GUCA1A: variants seen among roughly 807,000 people sequenced by gnomAD.
GUCA1A encodes guanylyl cyclase-activating protein 1.
In GUCA1A, 14 loss-of-function variants were observed where a neutral mutation model predicts 18.5. The ratio of observed to expected loss-of-function variants is 0.76; its 90% CI spans 0.50 to 1.18. The LOEUF (loss-of-function observed/expected upper bound fraction) is 1.18. Ranked by LOEUF, GUCA1A falls within the 50% of genes most tolerant of loss-of-function variation. The probability of loss-of-function intolerance (pLI) is 0.00; values close to 1 mark genes in which losing one functional copy is unlikely to be tolerated. For missense variants in GUCA1A, 264 were observed against 262.4 expected (o/e 1.01, Z -0.04); for synonymous variants, 97 against 100.2 (o/e 0.97, Z 0.19).
intron 1 of GUCA1A, among the ~76,000 whole-genome samples, chr6:42,177,383 T>C (rs552880844): frequency 3.9e-5 from 6 of 152,296 alleles, no homozygotes; most frequent in South Asian, 2.1e-4. Flanking sequence ...AGTATTGCTA[T>C]ATATTTTCAT....
At position 42,179,502 on chromosome 6, in the gene GUCA1A, C is replaced by A; in HGVS notation, c.*99C>A. On this transcript the variant is annotated 3_prime_UTR_variant, in exon 4 of 4. Transcript: ENST00000372958. Reference sequence around the variant, plus strand: ...AACCCTAGATAGAATCTAATGAACTCAGAGGCTTAGCTCGCCTCTTTAGGG... The same window carrying A: ...AACCCTAGATAGAATCTAATGAACTAAGAGGCTTAGCTCGCCTCTTTAGGG... 9.4e-7 allele frequency: 1 copy of A among 1,064,874 alleles called. No homozygotes were observed. Among genetic ancestry groups the A allele is most frequent in the South Asian group, 1.7e-5 (1 of 59,604 alleles). 66.0% of individuals were successfully genotyped at this position (1,064,874 alleles called of 1,614,324 possible).
Position 42,179,565 on chromosome 6 carries a change from G to A in GUCA1A, c.*162G>A, listed in dbSNP as rs971232316. 2 of 614,198 alleles carry A rather than the reference G, an allele frequency of 3.3e-6. No homozygotes were observed. The highest frequency in any genetic ancestry group is 5.6e-6 in the Non-Finnish European group (2 of 357,792). The allele number at this position is 614,198 out of a possible 1,614,324, so 38.0% of individuals were successfully genotyped here. ...GCAGAGAGGCAGAAGTGGGAGTCCAGAGCCAGGAACAGTGAAGGATGGTTC... is the reference window on the plus strand; with the variant it reads ...GCAGAGAGGCAGAAGTGGGAGTCCAAAGCCAGGAACAGTGAAGGATGGTTC... On this transcript the variant is annotated 3_prime_UTR_variant, in exon 4 of 4. Coordinates refer to ENST00000372958, the MANE Select transcript of GUCA1A (RefSeq NM_001384910.1).
chr6:42,178,919 C>T (rs1768037069), intron 3 of GUCA1A, 24 bp downstream of exon 3: 1 of 1,545,356 alleles, frequency 6.5e-7, no homozygotes, highest in Admixed American at 1.7e-5. Flanking sequence ...GGAGGGGCTC[C>T]CCAGCGGAGG....
At chr6:42,177,178 T>C (rs920637886) in intron 1 of GUCA1A, among the ~76,000 whole-genome samples, 2 of 152,116 alleles carry the variant, frequency 1.3e-5, no homozygotes, top group Non-Finnish European at 2.9e-5. Flanking sequence ...CCATCTGCAT[T>C]TGAGTACTGA....
chr6:42,173,621 A>T lies in GUCA1A; in HGVS notation c.8A>T (p.Asn3Ile), dbSNP rs1767867305. 1 of 1,613,714 alleles carries T rather than the reference A, an allele frequency of 6.2e-7. No homozygotes were observed. Among genetic ancestry groups the T allele is most frequent in the Admixed American group, 1.7e-5 (1 of 60,012 alleles). Residue 3 changes from asparagine (N) to isoleucine (I), a missense_variant, in exon 1 of 4, where the codon AAC (asparagine) becomes ATC (isoleucine). Transcript: ENST00000372958. Reference protein sequence around the residue: MGNVMEGKSVEEL... With the variant: MGIVMEGKSVEEL... ...CCCCTGAAGGCCTGAGCAATGGGCA[A>T]CGTGATGGAGGGAAAGTCAGTGGAG...
rs1425945041 is a variant in GUCA1A at position 42,178,906 on chromosome 6, C to T, written c.445+11C>T. 3 of 1,592,360 alleles carry T rather than the reference C, an allele frequency of 1.9e-6. No homozygotes were observed. Among genetic ancestry groups the T allele is most frequent in the African/African-American group, 2.7e-5 (2 of 74,468 alleles). On this transcript the variant is annotated intron_variant, in intron 3 of 3. Transcript: ENST00000372958. ...ACGTCAACGGGGATGGTGAGGGGGC[C>T]GAGGAGGGGCTCCCCAGCGGAGGGG...
intron 1 of GUCA1A, among the ~76,000 whole-genome samples, chr6:42,176,544 C>T (rs1283258020): frequency 6.6e-6 from 1 of 152,194 alleles, no homozygotes; most frequent in African/African-American, 2.4e-5. Context: ...AGTGATTCTT[C>T]TGCCTCAGCC....
chr6:42,174,464 A>AAGTG (rs1767897316), intron 1 of GUCA1A, among the ~76,000 whole-genome samples: 1 of 152,106 alleles, frequency 6.6e-6, no homozygotes, highest in African/African-American at 2.4e-5. Flanking sequence ...ACCTTTTCTC[A>AAGTG]AGTGAGCCTG....
intron 2 of GUCA1A, 92 bp downstream of exon 2, chr6:42,178,521 G>T: frequency 8.1e-7 from 1 of 1,239,594 alleles, no homozygotes. Context: ...TCAGGATTGA[G>T]ACAGGATGTG....
Position 42,178,906 on chromosome 6 carries a change from CGAG to C in GUCA1A, c.445+16_445+18del. ...ACGTCAACGGGGATGGTGAGGGGGC[CGAG>C]GAGGGGCTCCCCAGCGGAGGGGTCA... On this transcript the variant is annotated intron_variant, in intron 3 of 3. Coordinates refer to ENST00000372958, the MANE Select transcript of GUCA1A (RefSeq NM_001384910.1). 6.3e-7 allele frequency: 1 copy of C among 1,592,478 alleles called. No individual in the cohort carries two copies. The highest frequency in any genetic ancestry group is 8.6e-7 in the Non-Finnish European group (1 of 1,160,290).
intron 1 of GUCA1A, among the ~76,000 whole-genome samples, chr6:42,176,474 C>T (rs1046914931): frequency 6.6e-6 from 1 of 152,148 alleles, no homozygotes; most frequent in African/African-American, 2.4e-5. Flanking sequence ...GCTCTTGTCA[C>T]CCAGGCTGGA....
Position 42,173,540 on chromosome 6 carries a change from C to A in GUCA1A, c.-74C>A. The A allele has an allele frequency of 7.8e-7, 1 of 1,286,868 alleles. No individual in the cohort carries two copies. 79.7% of individuals were successfully genotyped at this position (1,286,868 alleles called of 1,614,324 possible). A position where few individuals can be genotyped will look rare whatever the true frequency, so the allele number is the denominator to read the frequency against. On this transcript the variant is annotated 5_prime_UTR_variant, in exon 1 of 4. Transcript: ENST00000372958. ...GAGAGAGGACGGCCCCGTTGTCGGC[C>A]AAGACACCTTTGGGCGAGGAGCAGC...
rs763207295 is a variant in GUCA1A at position 42,178,442 on chromosome 6, C to A, written c.351+13C>A. 1.2e-6 allele frequency: 2 copies of A among 1,611,824 alleles called. No homozygotes were observed. The highest frequency in any genetic ancestry group is 2.2e-5 in the East Asian group (1 of 44,858). ...CACCATCATCCAGGTGCAGAGGGCCCGGCCAGGGCTGGGGGCAGCGGTCTG... is the reference window on the plus strand; with the variant it reads ...CACCATCATCCAGGTGCAGAGGGCCAGGCCAGGGCTGGGGGCAGCGGTCTG... On this transcript the variant is annotated intron_variant, in intron 2 of 3. Transcript: ENST00000372958.
chr6:42,179,021 C>A, intron 3 of GUCA1A, 126 bp downstream of exon 3: 2 of 897,698 alleles, frequency 2.2e-6, no homozygotes, highest in Non-Finnish European at 1.8e-6. Flanking sequence ...CCGTGCTGGT[C>A]ACTTCCTCCA....
At chr6:42,176,969 T>C (rs935407388) in intron 1 of GUCA1A, among the ~76,000 whole-genome samples, 1 of 152,198 alleles carries the variant, frequency 6.6e-6, no homozygotes, top group Admixed American at 6.5e-5. Flanking sequence ...AAAAAGTTTT[T>C]AGTGCAAGTG....
At chr6:42,174,559 G>A (rs1379427879) in intron 1 of GUCA1A, among the ~76,000 whole-genome samples, 3 of 152,152 alleles carry the variant, frequency 2.0e-5, no homozygotes, top group Non-Finnish European at 4.4e-5. Flanking sequence ...TAAGCTAGAG[G>A]GGTCACTGAA....
intron 2 of GUCA1A, 71 bp from the exon 3 acceptor site, chr6:42,178,731 C>A (rs1768030359): frequency 3.3e-6 from 4 of 1,220,708 alleles, no homozygotes; most frequent in Non-Finnish European, 4.9e-6. Flanking sequence ...AAGCTCTGAC[C>A]GTCCCCAATC....
intron 1 of GUCA1A, among the ~76,000 whole-genome samples, chr6:42,174,044 G>A (rs921250287): frequency 2.6e-5 from 4 of 152,192 alleles, no homozygotes; most frequent in African/African-American, 9.7e-5. Context: ...GCACTGGGGG[G>A]TTAGAAATGT....
Position 42,173,367 on chromosome 6 carries a change from G to A in GUCA1A, c.-247G>A. 1.7e-6 allele frequency: 1 copy of A among 579,094 alleles called. No individual in the cohort carries two copies. The highest frequency in any genetic ancestry group is 2.0e-5 in the South Asian group (1 of 50,438). The allele number at this position is 579,094 out of a possible 1,614,324, so 35.9% of individuals were successfully genotyped here. A position where few individuals can be genotyped will look rare whatever the true frequency, so the allele number is the denominator to read the frequency against. On this transcript the variant is annotated 5_prime_UTR_variant, in exon 1 of 4. Transcript: ENST00000372958. ...TCCCCTGGGGCTGCAAGGATTTAGT[G>A]GAGACTCTTAACACCAGTTCTCTGG...
Sources: gnomAD v4.1 joint callset for allele counts (sites outside exome capture counted in the v4.1 genomes callset) on GRCh38, gnomAD v4.1.1 for gene constraint, MANE v1.5 for transcripts, NCBI Gene and HGNC (gene_info 2026-07-23, HGNC 2026-07-21) for gene names.